The following SAMD11 variants were observed in gnomAD, a reference collection of about 807,000 sequenced individuals.
The protein encoded by SAMD11 is sterile alpha motif domain-containing protein 11.
In SAMD11, 77 loss-of-function variants were observed where a neutral mutation model predicts 64.4. That is an observed-to-expected ratio of 1.20 (90% CI 0.99 to 1.44). The LOEUF (loss-of-function observed/expected upper bound fraction) is 1.44. SAMD11 is among the 40% of genes most tolerant of loss of function. The pLI, the probability that SAMD11 is intolerant of heterozygous loss-of-function variation, is 0.00. For synonymous variants in SAMD11, 658 were observed against 421.9 expected, an observed-to-expected ratio of 1.56 and a Z score of -6.86; for missense variants, 1,402 against 943.3, an observed-to-expected ratio of 1.49 and a Z score of -6.37.
intron 4 of SAMD11, among the ~76,000 whole-genome samples, chr1:932,535 C>T (rs563781348): frequency 6.6e-6 from 1 of 152,384 alleles, no homozygotes; most frequent in East Asian, 1.9e-4. Flanking sequence ...GAAGCCTCCG[C>T]CTGTTGACCT....
chr1:941,274 C>G lies in SAMD11; in HGVS notation c.1326C>G (p.Ala442=). 6.3e-7 allele frequency: 1 copy of G among 1,596,508 alleles called. No homozygotes were observed. Among genetic ancestry groups the G allele is most frequent in the Non-Finnish European group, 8.5e-7 (1 of 1,171,988 alleles). ...KQGLAQHREG[A]APAAAPSFSE... ...GCCTGGCTCAGCACCGGGAGGGCGC[C>G]GCCCCAGCTGCCGCCCCGTCCTTCT... Residue 442 remains alanine, a synonymous_variant, in exon 8 of 14, where the codon GCC becomes GCG. Coordinates refer to ENST00000616016, the MANE Select transcript of SAMD11 (RefSeq NM_001385641.1).
rs114794524 is a variant in SAMD11, at chr1:935,080, G to C, written c.843-692G>C. ...TGGAGGGCCGTGCTCCACACAGTTC[G>C]TCTCATTGCTCTCTGGGACTCTGTG... On this transcript the variant is annotated intron_variant, in intron 4 of 13. Transcript: ENST00000616016. 4.7e-3 allele frequency among the ~76,000 whole-genome samples: 720 copies of C among 152,196 alleles called. 4 individuals carry two copies. The highest frequency in any genetic ancestry group is 0.016 in the African/African-American group (675 of 41,488).
At chr1:930,086 C>G in intron 2 of SAMD11, 69 bp from the exon 3 acceptor site, 1 of 1,489,696 alleles carries the variant, frequency 6.7e-7, no homozygotes. Context: ...GGTCCAGCCC[C>G]ACCTTCCTCT....
intron 3 of SAMD11, 58 bp from the exon 4 acceptor site, chr1:930,981 T>C (rs2100309281): frequency 6.4e-7 from 1 of 1,559,670 alleles, no homozygotes; most frequent in East Asian, 2.3e-5. Flanking sequence ...CCTGCTATCC[T>C]GAGGCTGGGG....
At chr1:927,040 C>T (rs577812424) in intron 2 of SAMD11, among the ~76,000 whole-genome samples, 67 of 152,272 alleles carry the variant, frequency 4.4e-4, no homozygotes, top group East Asian at 1.3e-3. Flanking sequence ...CCTGTGAAGA[C>T]GGCTGGTCCC....
Position 940,066 on chromosome 1 carries a change from G to C in SAMD11, c.1195+654G>C, listed in dbSNP as rs564028600. On this transcript the variant is annotated intron_variant, in intron 7 of 13. Coordinates refer to ENST00000616016, the MANE Select transcript of SAMD11 (RefSeq NM_001385641.1). ...GCCTGGCAGGGGAGCTTGGCTTTTC[G>C]GGCTAGAGGTGGGTGGGGGCGCCGG... is the stretch of plus-strand genomic sequence containing the variant. Among the ~76,000 whole-genome samples the C allele has an allele frequency of 4.6e-4, 70 of 152,328 alleles. No individual in the cohort carries two copies. The East Asian group carries it at 0.01, about 22-fold the overall frequency.
intron 2 of SAMD11, among the ~76,000 whole-genome samples, chr1:928,176 G>A (rs7410998): frequency 0.91 from 137,379 of 151,558 alleles, 62,335 homozygotes; most frequent in South Asian, 0.95. Context: ...GGCGGATCAC[G>A]AGGTCAGGAG....
chr1:933,418 C>T (rs1641261155), intron 4 of SAMD11, among the ~76,000 whole-genome samples: 2 of 152,160 alleles, frequency 1.3e-5, no homozygotes, highest in African/African-American at 4.8e-5. Context: ...AGCCACAGCC[C>T]CTCCACCCAG....
intron 4 of SAMD11, 42 bp downstream of exon 4, chr1:931,131 C>CCCCTCCCTCCCT: frequency 1.5e-6 from 2 of 1,358,080 alleles, no homozygotes; most frequent in South Asian, 2.4e-5. Context: ...GGCCGTGACT[C>CCCCTCCCTCCCT]CCCTCCCTCC....
intron 2 of SAMD11, among the ~76,000 whole-genome samples, chr1:927,787 G>T (rs1006188593): frequency 1.3e-5 from 2 of 152,244 alleles, no homozygotes; most frequent in African/African-American, 4.8e-5. Context: ...TGTGGCCGAG[G>T]TCTCTAGTGT....
intron 2 of SAMD11, among the ~76,000 whole-genome samples, chr1:929,512 G>T (rs1366551305): frequency 1.3e-5 from 2 of 152,256 alleles, no homozygotes; most frequent in Admixed American, 1.3e-4. Flanking sequence ...GCTGTGCGTG[G>T]CGCTGATGAA....
chr1:928,298 A>G (rs1348599770), intron 2 of SAMD11, among the ~76,000 whole-genome samples: 3 of 152,206 alleles, frequency 2.0e-5, no homozygotes, highest in East Asian at 1.9e-4. Flanking sequence ...AGGCTGAGGC[A>G]GGAGAATGGC....
chr1:926,108 C>T (rs1321622217), intron 2 of SAMD11, 95 bp downstream of exon 2: 3 of 1,217,558 alleles, frequency 2.5e-6, no homozygotes, highest in East Asian at 4.8e-5. Context: ...GAGTCCTAAC[C>T]TCACCCCTGC....
Position 942,137 on chromosome 1 carries a change from G to C in SAMD11, c.1360G>C (p.Glu454Gln). ...CGCTCATTGCGCTGCCGTCCACAGG[G>C]AGCTGCCTCAGCCGCCCCCCTTGCT... ...PAAAPSFSERELPQPPPLLSP... is the reference protein window; with the variant it reads ...PAAAPSFSERQLPQPPPLLSP... The change falls in exon 9 of 14, where the codon GAG becomes CAG. Residue 454 changes from glutamate (E) to glutamine (Q), a missense_variant and splice_region_variant. Transcript: ENST00000616016. 7.4e-7 allele frequency: 1 copy of C among 1,344,820 alleles called. No homozygotes were observed. Among genetic ancestry groups the C allele is most frequent in the East Asian group, 2.9e-5 (1 of 34,754 alleles). 83.3% of individuals were successfully genotyped at this position (1,344,820 alleles called of 1,614,324 possible). A position where few individuals can be genotyped will look rare whatever the true frequency, so the allele number is the denominator to read the frequency against.
At chr1:940,656 G>GC (rs1302485522) in intron 7 of SAMD11, among the ~76,000 whole-genome samples, 5 of 152,104 alleles carry the variant, frequency 3.3e-5, no homozygotes, top group African/African-American at 1.2e-4. Flanking sequence ...CCGGGACTGG[G>GC]CGACCCCTGT....
chr1:928,600 A>G (rs1317337435), intron 2 of SAMD11, among the ~76,000 whole-genome samples: 2 of 152,140 alleles, frequency 1.3e-5, no homozygotes, highest in African/African-American at 2.4e-5. Context: ...CCTTGGCCGC[A>G]CTCTGTGGTC....
At chr1:937,402 C>T (rs56201956) in intron 5 of SAMD11, among the ~76,000 whole-genome samples, 5 of 145,150 alleles carry the variant, frequency 3.4e-5, no homozygotes, top group African/African-American at 5.3e-5. Flanking sequence ...ACCTGCCCCC[C>T]CCCCCACCCA....
chr1:943,519 AC>A, intron 12 of SAMD11, 142 bp downstream of exon 12: 1 of 839,196 alleles, frequency 1.2e-6, no homozygotes, highest in Non-Finnish European at 1.7e-6. Flanking sequence ...TGGACTGTGC[AC>A]CCCACCTTTT....
chr1:930,183 C>G lies in SAMD11; in HGVS notation c.638C>G (p.Thr213Arg). 1 of 1,560,234 alleles carries G rather than the reference C, an allele frequency of 6.4e-7. No individual in the cohort carries two copies. Among genetic ancestry groups the G allele is most frequent in the Non-Finnish European group, 8.7e-7 (1 of 1,152,254 alleles). The change falls in exon 3 of 14, where the codon ACA becomes AGA. Residue 213 changes from threonine to arginine, a missense_variant. Physicochemically the swap from Thr to Arg is moderately conservative, Grantham distance 71. Coordinates refer to ENST00000616016, the MANE Select transcript of SAMD11 (RefSeq NM_001385641.1). ...CGGGGGCGGCTGGCAGACAAGAGGA[C>G]AGTCGCCCTGCCTGCCGCCCGGAAC... ...VNRGRLADKR[T>R]VALPAARNLK...
Sources: allele counts gnomAD v4.1 joint callset (sites outside exome capture counted in the v4.1 genomes callset), GRCh38; gene constraint gnomAD v4.1.1; transcripts MANE v1.5; gene names NCBI Gene and HGNC (gene_info 2026-07-23, HGNC 2026-07-21).